ITPR1: variants seen among roughly 807,000 people sequenced by gnomAD.
ITPR1 encodes inositol 1,4,5-trisphosphate-gated calcium channel ITPR1.
In ITPR1, 96 loss-of-function variants were observed where a neutral mutation model predicts 318.4. That is an observed-to-expected ratio of 0.30 (90% CI 0.26 to 0.36). The LOEUF is 0.36. Ranked by LOEUF, ITPR1 falls within the 10% of genes least tolerant of loss-of-function variation. The probability of loss-of-function intolerance (pLI) is 1.00; values close to 1 mark genes in which losing one functional copy is unlikely to be tolerated. For synonymous variants in ITPR1, 1,312 were observed against 1,289.9 expected, an observed-to-expected ratio of 1.02 and a Z score of -0.37; for missense variants, 2,440 against 3,460.2, an observed-to-expected ratio of 0.71 and a Z score of 7.40.
intron 4 of ITPR1, among the ~76,000 whole-genome samples, chr3:4,543,518 A>G (rs1280907787): frequency 6.6e-6 from 1 of 152,240 alleles, no homozygotes; most frequent in Non-Finnish European, 1.5e-5. Flanking sequence ...ATGGTAATCA[A>G]GGGATAAAGA....
chr3:4,764,782 G>C (rs1055301643), intron 44 of ITPR1, among the ~76,000 whole-genome samples: 6 of 152,194 alleles, frequency 3.9e-5, no homozygotes, highest in African/African-American at 1.4e-4. Flanking sequence ...GGGGTAAAAG[G>C]CTATTTAGTA....
In ITPR1 at chr3:4,615,373, CTTTTTTT is replaced by C. The variant is rs11330102; in HGVS notation, c.164-12376_164-12370del. 2.0e-4 allele frequency among the ~76,000 whole-genome samples: 25 copies of C among 122,828 alleles called. No homozygotes were observed. The South Asian group carries it at 4.7e-3, about 23-fold the overall frequency. 80.6% of individuals were successfully genotyped at this position (122,828 alleles called of 152,430 possible). Reference sequence around the variant, plus strand: ...ACTTGCCTTTCCAACTGATTTCTTTCTTTTTTTTTTTTTTTTTTTTGAGATGGAGTTT... The same window carrying C: ...ACTTGCCTTTCCAACTGATTTCTTTCTTTTTTTTTTTTTGAGATGGAGTTT... On this transcript the variant is annotated intron_variant, in intron 4 of 61. Coordinates refer to ENST00000649015, the MANE Select transcript of ITPR1 (RefSeq NM_001378452.1).
At chr3:4,577,918 T>TC (rs1237349225) in intron 4 of ITPR1, among the ~76,000 whole-genome samples, 1 of 152,144 alleles carries the variant, frequency 6.6e-6, no homozygotes, top group African/African-American at 2.4e-5. Context: ...TGTTCTGCTC[T>TC]CCCCCACCTC....
intron 4 of ITPR1, among the ~76,000 whole-genome samples, chr3:4,536,914 G>T (rs957487659): frequency 6.6e-6 from 1 of 151,976 alleles, no homozygotes; most frequent in Non-Finnish European, 1.5e-5. Context: ...TCTTGATTTT[G>T]GATGATAGCT....
intron 18 of ITPR1, 142 bp from the exon 19 acceptor site, chr3:4,669,512 A>G: frequency 1.5e-6 from 1 of 665,752 alleles, no homozygotes; most frequent in South Asian, 2.5e-5. Context: ...TGATGCCATA[A>G]ACATTGGCAT....
At chr3:4,697,030 T>C in intron 33 of ITPR1, 117 bp from the exon 34 acceptor site, 1 of 783,134 alleles carries the variant, frequency 1.3e-6, no homozygotes, top group Non-Finnish European at 2.0e-6. Flanking sequence ...GAAGTAAGAC[T>C]TGGCAGTGGG....
chr3:4,527,770 A>G (rs1372869315), intron 4 of ITPR1, among the ~76,000 whole-genome samples: 8 of 152,178 alleles, frequency 5.3e-5, no homozygotes, highest in African/African-American at 1.9e-4. Flanking sequence ...ATGGCCATGA[A>G]CTTGAGGATC....
At chr3:4,579,983 G>A (rs138344758) in intron 4 of ITPR1, among the ~76,000 whole-genome samples, 2 of 152,286 alleles carry the variant, frequency 1.3e-5, no homozygotes, top group African/African-American at 4.8e-5. Flanking sequence ...GGCCGAGACG[G>A]GTGGATCACG....
At chr3:4,635,689 A>C (rs970953048) in intron 5 of ITPR1, among the ~76,000 whole-genome samples, 4 of 151,930 alleles carry the variant, frequency 2.6e-5, no homozygotes, top group African/African-American at 9.7e-5. Flanking sequence ...CCATTCTTGG[A>C]ATGTACTTGA....
chr3:4,571,857 G>T (rs923691654), intron 4 of ITPR1, among the ~76,000 whole-genome samples: 2 of 152,110 alleles, frequency 1.3e-5, no homozygotes, highest in Non-Finnish European at 2.9e-5. Flanking sequence ...TTTCATCTCT[G>T]CTCCTCTCTG....
chr3:4,630,026 A>G (rs924911411), intron 5 of ITPR1, among the ~76,000 whole-genome samples: 11 of 152,252 alleles, frequency 7.2e-5, no homozygotes, highest in Admixed American at 7.2e-4. Flanking sequence ...AGCAAATATT[A>G]TATGGCTTTA....
rs369934199 is a variant in ITPR1, at chr3:4,697,455, CT to C, written c.4407+197del. Among the ~76,000 whole-genome samples the C allele has an allele frequency of 2.6e-3, 228 of 86,724 alleles. 23 individuals carry two copies. The highest frequency in any genetic ancestry group is 5.6e-3 in the Admixed American group (46 of 8,270). The allele number at this position is 86,724 out of a possible 152,430, so 56.9% of individuals were successfully genotyped here. A position where few individuals can be genotyped will look rare whatever the true frequency, so the allele number is the denominator to read the frequency against. On this transcript the variant is annotated intron_variant, in intron 34 of 61. Coordinates refer to ENST00000649015, the MANE Select transcript of ITPR1 (RefSeq NM_001378452.1). Reference sequence around the variant, plus strand: ...CTTTCTTCTCATGTATCCTTTCTTCCTTTTTTTTTTTTTTGAGCTGGAGTCT... The same window carrying C: ...CTTTCTTCTCATGTATCCTTTCTTCCTTTTTTTTTTTTTGAGCTGGAGTCT...
chr3:4,806,279 G>C lies in ITPR1; in HGVS notation c.7272+12G>C. The C allele has an allele frequency of 6.2e-7, 1 of 1,612,584 alleles. No individual in the cohort carries two copies. Among genetic ancestry groups the C allele is most frequent in the Non-Finnish European group, 8.5e-7 (1 of 1,178,618 alleles). ...TCTACAGTCTGCTGGTGAGTACCTG[G>C]TGTGGAAATATTTTATGTGTGGGGA... On this transcript the variant is annotated intron_variant, in intron 55 of 61. Coordinates refer to ENST00000649015, the MANE Select transcript of ITPR1 (RefSeq NM_001378452.1).
intron 4 of ITPR1, among the ~76,000 whole-genome samples, chr3:4,539,966 G>T (rs1361279391): frequency 7.3e-6 from 1 of 136,570 alleles, no homozygotes; most frequent in Admixed American, 7.2e-5. Context: ...TATAAGCAAT[G>T]GAAAGCAGAC....
At chr3:4,557,434 A>G (rs2086240340) in intron 4 of ITPR1, among the ~76,000 whole-genome samples, 1 of 152,198 alleles carries the variant, frequency 6.6e-6, no homozygotes, top group Non-Finnish European at 1.5e-5. Context: ...CTACAATTCA[A>G]GATGAGATTT....
chr3:4,656,666 A>G (rs1289622612), intron 12 of ITPR1, among the ~76,000 whole-genome samples: 1 of 152,322 alleles, frequency 6.6e-6, no homozygotes, highest in African/African-American at 2.4e-5. Flanking sequence ...GCCCCGTAAG[A>G]GTTAGATTCT....
intron 52 of ITPR1, among the ~76,000 whole-genome samples, chr3:4,794,632 C>T (rs2047778723): frequency 6.6e-6 from 1 of 152,126 alleles, no homozygotes; most frequent in Non-Finnish European, 1.5e-5. Flanking sequence ...ATCTCCCCCA[C>T]CCCTCCCCAG....
At position 4,667,463 on chromosome 3, in the gene ITPR1, C is replaced by T. The variant is rs1218855633; in HGVS notation, c.1800C>T (p.His600=). The T allele has an allele frequency of 1.9e-6, 3 of 1,613,804 alleles. No individual in the cohort carries two copies. Among genetic ancestry groups the T allele is most frequent in the Non-Finnish European group, 1.7e-6 (2 of 1,179,802 alleles). The change falls in exon 18 of 62, where the codon CAC becomes CAT. Residue 600 remains histidine, a synonymous_variant. Transcript: ENST00000649015. Reference sequence around the variant, plus strand: ...AAGACACTATCACTGCCCTGCTCCACAATAATCGGAAACTCCTGGAAAAAC... The same window carrying T: ...AAGACACTATCACTGCCCTGCTCCATAATAATCGGAAACTCCTGGAAAAAC... The part of the protein sequence containing the change: ...LAEDTITALL[H]NNRKLLEKHI...
chr3:4,821,218 TA>T (rs2049694140), intron 60 of ITPR1, among the ~76,000 whole-genome samples: 1 of 152,234 alleles, frequency 6.6e-6, no homozygotes, highest in Non-Finnish European at 1.5e-5. Flanking sequence ...CAGGCTCTTT[TA>T]GGGTATGTGG....
Sources: allele counts gnomAD v4.1 joint callset (sites outside exome capture counted in the v4.1 genomes callset), GRCh38; gene constraint gnomAD v4.1.1; transcripts MANE v1.5; gene names NCBI Gene and HGNC (gene_info 2026-07-23, HGNC 2026-07-21).